TMEM117: variants seen among roughly 807,000 people sequenced by gnomAD.
The protein encoded by TMEM117 is transmembrane protein 117.
In TMEM117, 27 loss-of-function variants were observed where a neutral mutation model predicts 52.4. The observed-to-expected ratio is 0.51, with a 90% CI of 0.38 to 0.71. The LOEUF (loss-of-function observed/expected upper bound fraction) is 0.71, where lower values mean the gene tolerates loss of function less well. TMEM117 is among the 30% of genes least tolerant of loss of function. TMEM117 has a pLI of 0.00. For synonymous variants in TMEM117, 215 were observed against 206.3 expected, an observed-to-expected ratio of 1.04 and a Z score of -0.36; for missense variants, 556 against 630.5, an observed-to-expected ratio of 0.88 and a Z score of 1.26.
chr12:44,298,949 A>C (rs906797538), intron 5 of TMEM117, among the ~76,000 whole-genome samples: 3 of 150,482 alleles, frequency 2.0e-5, no homozygotes, highest in Non-Finnish European at 4.4e-5. Flanking sequence ...CTTACATTGC[A>C]TGTCCACTAC....
intron 3 of TMEM117, among the ~76,000 whole-genome samples, chr12:44,012,040 A>G (rs1253674738): frequency 1.3e-5 from 2 of 152,186 alleles, no homozygotes; most frequent in Admixed American, 1.3e-4. Flanking sequence ...ATATTTTCAG[A>G]CCACTGTTGA....
intron 3 of TMEM117, among the ~76,000 whole-genome samples, chr12:43,958,774 A>G (rs983677066): frequency 4.9e-5 from 7 of 142,334 alleles, no homozygotes; most frequent in Non-Finnish European, 9.3e-5. Context: ...AGACTTTCCT[A>G]AAGTGTAAAA....
At chr12:43,941,046 T>C (rs1945036723) in intron 2 of TMEM117, among the ~76,000 whole-genome samples, 1 of 152,174 alleles carries the variant, frequency 6.6e-6, no homozygotes, top group Non-Finnish European at 1.5e-5. Context: ...GTGTCCCACT[T>C]TAATGCTTTT....
chr12:44,395,232 A>C, the TMEM117 span, among the ~76,000 whole-genome samples: 1 of 152,342 alleles, frequency 6.6e-6, no homozygotes, highest in Non-Finnish European at 1.5e-5. Flanking sequence ...GTTGAACTTC[A>C]AATACACTAG....
chr12:44,312,865 T>G (rs571832831), intron 6 of TMEM117, among the ~76,000 whole-genome samples: 2 of 152,362 alleles, frequency 1.3e-5, no homozygotes, highest in South Asian at 4.1e-4. Flanking sequence ...TTAGTGATGA[T>G]GAGCATTTTT....
At position 44,302,505 on chromosome 12, in the gene TMEM117, T is replaced by C. The variant is rs1359867964; in HGVS notation, c.768+2766T>C. ...CATTGGAGACCATTTCAACTTTCTC[T>C]TCATTAAAGTCATGTGATCACTTCC... On this transcript the variant is annotated intron_variant, in intron 6 of 7. Transcript: ENST00000266534. Among the ~76,000 whole-genome samples, 5 of 152,254 alleles carry C rather than the reference T, an allele frequency of 3.3e-5. No individual in the cohort carries two copies. In the East Asian group the frequency reaches 9.6e-4, roughly 29 times the overall value.
chr12:44,198,686 T>C (rs531032626), intron 4 of TMEM117, among the ~76,000 whole-genome samples: 1 of 152,236 alleles, frequency 6.6e-6, no homozygotes, highest in African/African-American at 2.4e-5. Context: ...TGAAAATAAC[T>C]TGAGCCAGGG....
At chr12:43,805,706 T>A in the TMEM117 span, 1 of 953,988 alleles carries the variant, frequency 1.0e-6, no homozygotes, top group Non-Finnish European at 1.5e-6. Context: ...TTTTCCTATT[T>A]GGAGAGAAAA....
chr12:44,005,146 C>G (rs1170690778), intron 3 of TMEM117, among the ~76,000 whole-genome samples: 2 of 152,190 alleles, frequency 1.3e-5, no homozygotes, highest in East Asian at 3.8e-4. Context: ...AATTATTATG[C>G]TCATTTTACA....
intron 2 of TMEM117, among the ~76,000 whole-genome samples, chr12:43,875,346 G>A (rs931901506): frequency 2.0e-5 from 3 of 152,110 alleles, no homozygotes; most frequent in African/African-American, 7.2e-5. Context: ...TGGAGATCCA[G>A]TAGCTGAATG....
At chr12:43,882,690 G>A (rs1427304416) in intron 2 of TMEM117, among the ~76,000 whole-genome samples, 1 of 152,118 alleles carries the variant, frequency 6.6e-6, no homozygotes. Context: ...TTAGGTCAAT[G>A]AGCATAAATG....
intron 4 of TMEM117, among the ~76,000 whole-genome samples, chr12:44,172,426 A>G (rs1949059261): frequency 1.3e-5 from 2 of 151,990 alleles, no homozygotes. Flanking sequence ...CTTCATTCAC[A>G]TGGCTTTCTT....
intron 3 of TMEM117, among the ~76,000 whole-genome samples, chr12:44,065,173 C>T (rs1374639372): frequency 6.6e-6 from 1 of 152,014 alleles, no homozygotes; most frequent in Non-Finnish European, 1.5e-5. Flanking sequence ...TCACTTGAGG[C>T]ATTCAAGACC....
intron 5 of TMEM117, among the ~76,000 whole-genome samples, chr12:44,273,283 T>A (rs11838118): frequency 0.078 from 11,847 of 151,868 alleles, 1,385 homozygotes; most frequent in African/African-American, 0.26. Context: ...AGTTAATGGG[T>A]GCAGCACACC....
chr12:43,798,690 T>G, the TMEM117 span: 19 of 1,205,952 alleles, frequency 1.6e-5, 1 homozygote, highest in African/African-American at 2.5e-4. Context: ...TGATAGATCC[T>G]TGCTACCAGT....
chr12:44,010,029 A>C, intron 3 of TMEM117: 1 of 369,444 alleles, frequency 2.7e-6, no homozygotes, highest in South Asian at 2.1e-5. Context: ...TACTCTATTT[A>C]TGTGGTGTAC....
intron 2 of TMEM117, among the ~76,000 whole-genome samples, chr12:43,928,445 C>T (rs1475420146): frequency 6.6e-6 from 1 of 151,896 alleles, no homozygotes; most frequent in Admixed American, 6.6e-5. Flanking sequence ...AGGAGGTATA[C>T]TCTCTCAGTT....
intron 3 of TMEM117, among the ~76,000 whole-genome samples, chr12:44,017,765 A>C (rs1946395050): frequency 6.6e-6 from 1 of 152,212 alleles, no homozygotes; most frequent in African/African-American, 2.4e-5. Flanking sequence ...CATCAAAGGT[A>C]ATGTTATTAT....
chr12:44,171,842 T>C (rs2138285812), intron 4 of TMEM117, among the ~76,000 whole-genome samples: 1 of 152,176 alleles, frequency 6.6e-6, no homozygotes, highest in East Asian at 1.9e-4. Flanking sequence ...ACATTTTTGC[T>C]GAGAAGGAGA....
Sources: gnomAD v4.1 joint callset for allele counts (sites outside exome capture counted in the v4.1 genomes callset) on GRCh38, gnomAD v4.1.1 for gene constraint, MANE v1.5 for transcripts, NCBI Gene and HGNC (gene_info 2026-07-23, HGNC 2026-07-21) for gene names.